Variants in SLC39A10 observed in about 807,000 individuals in gnomAD.
SLC39A10 encodes zinc transporter ZIP10.
In SLC39A10, 13 loss-of-function variants were observed where a neutral mutation model predicts 65.1. The observed-to-expected ratio is 0.20, with a 90% CI of 0.13 to 0.32. The LOEUF is 0.32. SLC39A10 is among the 10% of genes least tolerant of loss of function. SLC39A10 has a pLI of 1.00. For synonymous variants in SLC39A10, 321 were observed against 342.2 expected (o/e 0.94, Z 0.68); for missense variants, 831 against 1,018.4 (o/e 0.82, Z 2.50).
intron 3 of SLC39A10, among the ~76,000 whole-genome samples, chr2:195,695,883 C>T (rs1024297328): frequency 3.3e-5 from 5 of 151,976 alleles, no homozygotes; most frequent in African/African-American, 7.3e-5. Context: ...AGCTTTTGCC[C>T]AGTTTTCTTC....
At chr2:195,651,695 G>C (rs1439376438) in intron 2 of SLC39A10, among the ~76,000 whole-genome samples, 2 of 152,050 alleles carry the variant, frequency 1.3e-5, no homozygotes, top group Non-Finnish European at 2.9e-5. Context: ...GGCTGGTCTT[G>C]AACTCCTGAC....
At chr2:195,658,167 T>A (rs969265080) in intron 1 of SLC39A10, 1 of 152,276 alleles carries the variant, frequency 6.6e-6, no homozygotes, top group Non-Finnish European at 1.5e-5. Flanking sequence ...TCTCCTGGGG[T>A]CCCTCGAACG....
At chr2:195,674,907 T>G in intron 1 of SLC39A10, among the ~76,000 whole-genome samples, 1 of 152,158 alleles carries the variant, frequency 6.6e-6, no homozygotes. Context: ...AAATTCAGTA[T>G]AAAAGATTTT....
At chr2:195,666,625 A>C (rs901974685) in intron 1 of SLC39A10, among the ~76,000 whole-genome samples, 13 of 152,230 alleles carry the variant, frequency 8.5e-5, no homozygotes, top group Admixed American at 2.6e-4. Context: ...CACCTGGCTA[A>C]TTTTTAAAAC....
At chr2:195,701,435 C>CTTTTTTTTTTTTTT (rs66525117) in intron 3 of SLC39A10, among the ~76,000 whole-genome samples, 2 of 5,492 alleles carry the variant, frequency 3.6e-4, no homozygotes, top group Non-Finnish European at 6.3e-4. Context: ...TTCTGTGATT[C>CTTTTTTTTTTTTTT]TTTTTTTTTT....
chr2:195,650,378 T>C (rs1450764798), intron 2 of SLC39A10, among the ~76,000 whole-genome samples: 3 of 152,144 alleles, frequency 2.0e-5, no homozygotes, highest in Admixed American at 1.3e-4. Context: ...CGTGTTAGTC[T>C]GGCTCTGGCT....
At position 195,685,688 on chromosome 2, in the gene SLC39A10, C is replaced by T. The variant is rs78504600; in HGVS notation, c.1216+1782C>T. 7.2e-5 allele frequency among the ~76,000 whole-genome samples: 11 copies of T among 152,236 alleles called. No homozygotes were observed. The East Asian group carries it at 2.1e-3, about 29-fold the overall frequency. ...CTTCTGGGTAAACTTAGTGACCATC[C>T]TAGGCTAAATTATGTTCCCTTCCTT... is the stretch of plus-strand genomic sequence containing the variant. On this transcript the variant is annotated intron_variant, in intron 3 of 9. Transcript: ENST00000359634.
At position 195,706,637 on chromosome 2, in the gene SLC39A10, C is replaced by T; in HGVS notation, c.1238C>T (p.Ser413Phe). ...ACAGCCTGGATTTGTGGTATCATTT[C>T]TATCACTGTCATTAGCCTGCTTTCC... ...GASAWICGII[S>F]ITVISLLSLL... The change falls in exon 4 of 10, where the codon TCT becomes TTT. Residue 413 changes from serine to phenylalanine, a missense_variant. Transcript: ENST00000359634. The T allele has an allele frequency of 6.2e-7, 1 of 1,612,076 alleles. No individual in the cohort carries two copies. The highest frequency in any genetic ancestry group is 8.5e-7 in the Non-Finnish European group (1 of 1,179,086).
chr2:195,735,965 G>T lies in SLC39A10; in HGVS notation c.*924G>T, dbSNP rs564415325. On this transcript the variant is annotated 3_prime_UTR_variant, in exon 10 of 10. Coordinates refer to ENST00000359634, the MANE Select transcript of SLC39A10 (RefSeq NM_020342.3). Reference sequence around the variant, plus strand: ...AGTACCAACTAGTTAATTGGGAAATGTAAGTTCTGAATGTTCACATTGCTT... The same window carrying T: ...AGTACCAACTAGTTAATTGGGAAATTTAAGTTCTGAATGTTCACATTGCTT... 1 of 152,278 alleles carries T rather than the reference G, an allele frequency of 6.6e-6. No individual in the cohort carries two copies. The highest frequency in any genetic ancestry group is 6.5e-5 in the Admixed American group (1 of 15,282). The allele number at this position is 152,278 out of a possible 1,614,324, so 9.4% of individuals were successfully genotyped here. A position where few individuals can be genotyped will look rare whatever the true frequency, so the allele number is the denominator to read the frequency against.
chr2:195,712,960 A>C (rs1168009519), intron 5 of SLC39A10, among the ~76,000 whole-genome samples: 2 of 152,172 alleles, frequency 1.3e-5, no homozygotes, highest in African/African-American at 4.8e-5. Context: ...AAATTTAACA[A>C]ACTTGCCTAA....
chr2:195,723,951 G>T (rs116071745), intron 8 of SLC39A10, among the ~76,000 whole-genome samples: 2,085 of 152,202 alleles, frequency 0.014, 51 homozygotes, highest in African/African-American at 0.047. Context: ...ATATTATTAA[G>T]ACTCAATTAA....
chr2:195,613,300 T>G (rs1294758207), intron 2 of SLC39A10, among the ~76,000 whole-genome samples: 1 of 152,218 alleles, frequency 6.6e-6, no homozygotes, highest in Non-Finnish European at 1.5e-5. Context: ...GAGAATTTTT[T>G]TTCCTTTGTC....
Position 195,619,369 on chromosome 2 carries a change from G to T in SLC39A10, c.-12+13136G>T, listed in dbSNP as rs1012832828. ...TTGACCTTTCTAGCTTGTGCATGTG[G>T]TGCTGCTGAGAATCCAGAAGAATCC... On this transcript the variant is annotated intron_variant, in intron 2 of 2. Coordinates refer to the SLC39A10 transcript ENST00000458054. 3.9e-5 allele frequency among the ~76,000 whole-genome samples: 6 copies of T among 152,302 alleles called. No individual in the cohort carries two copies. In the East Asian group the frequency reaches 1.2e-3, roughly 29 times the overall value.
At chr2:195,692,764 A>G (rs1410474889) in intron 3 of SLC39A10, among the ~76,000 whole-genome samples, 1 of 152,128 alleles carries the variant, frequency 6.6e-6, no homozygotes, top group African/African-American at 2.4e-5. Flanking sequence ...GTACACGATC[A>G]TATCAGGAAA....
intron 1 of SLC39A10, among the ~76,000 whole-genome samples, chr2:195,659,054 G>A (rs1222737130): frequency 6.6e-6 from 1 of 152,178 alleles, no homozygotes; most frequent in African/African-American, 2.4e-5. Context: ...ATCTAAAATT[G>A]CTATCAGGTA....
intron 1 of SLC39A10, among the ~76,000 whole-genome samples, chr2:195,679,042 T>C (rs1690203707): frequency 6.6e-6 from 1 of 152,172 alleles, no homozygotes; most frequent in African/African-American, 2.4e-5. Flanking sequence ...ATACTAGCCA[T>C]TTGCTACATG....
chr2:195,648,633 T>C (rs1213052766), intron 2 of SLC39A10, among the ~76,000 whole-genome samples: 1 of 151,978 alleles, frequency 6.6e-6, no homozygotes, highest in East Asian at 1.9e-4. Context: ...AGCCAAGAGA[T>C]AGTGACACTG....
Position 195,675,230 on chromosome 2 carries a change from T to G in SLC39A10, c.-11-4802T>G, listed in dbSNP as rs78903330. On this transcript the variant is annotated intron_variant, in intron 1 of 9. Transcript: ENST00000359634. Reference sequence around the variant, plus strand: ...AAAATTGTATTTTAAAAAAGATAAATCTTCCAGTTTTGAATATGATTATGC... The same window carrying G: ...AAAATTGTATTTTAAAAAAGATAAAGCTTCCAGTTTTGAATATGATTATGC... Among the ~76,000 whole-genome samples, 4 of 152,236 alleles carry G rather than the reference T, an allele frequency of 2.6e-5. No individual in the cohort carries two copies. In the East Asian group the frequency reaches 7.7e-4, roughly 29 times the overall value.
At chr2:195,686,421 C>T (rs1368750379) in intron 3 of SLC39A10, among the ~76,000 whole-genome samples, 6 of 152,012 alleles carry the variant, frequency 3.9e-5, no homozygotes, top group Non-Finnish European at 5.9e-5. Context: ...TATGGTGGTG[C>T]GGCCTGTAGT....
Sources: gnomAD v4.1 joint callset for allele counts (sites outside exome capture counted in the v4.1 genomes callset) on GRCh38, gnomAD v4.1.1 for gene constraint, MANE v1.5 for transcripts, NCBI Gene and HGNC (gene_info 2026-07-23, HGNC 2026-07-21) for gene names.